Variants in SLC4A7 observed in about 807,000 individuals in gnomAD.
SLC4A7 encodes solute carrier family 4 member 7.
A neutral mutation model predicts 137.6 loss-of-function variants in SLC4A7; 51 were observed. The ratio of observed to expected loss-of-function variants is 0.37; its 90% CI spans 0.30 to 0.47. The LOEUF is 0.47. Ranked by LOEUF, SLC4A7 falls within the 20% of genes least tolerant of loss-of-function variation. The pLI is 1.00. For missense variants in SLC4A7, 1,247 were observed against 1,525.4 expected (o/e 0.82, Z 3.04); for synonymous variants, 542 against 518.6 (o/e 1.05, Z -0.61).
intron 1 of SLC4A7, among the ~76,000 whole-genome samples, chr3:27,482,244 A>T (rs916687472): frequency 6.6e-6 from 1 of 152,260 alleles, no homozygotes; most frequent in Admixed American, 6.5e-5. Context: ...AATAAGTGTT[A>T]TTACAATGAA....
At chr3:27,453,682 A>C (rs1326082080) in intron 1 of SLC4A7, among the ~76,000 whole-genome samples, 2 of 152,268 alleles carry the variant, frequency 1.3e-5, no homozygotes, top group Non-Finnish European at 2.9e-5. Flanking sequence ...CCAAATTCTC[A>C]GTAAGTAAAC....
intron 1 of SLC4A7, among the ~76,000 whole-genome samples, chr3:27,466,267 C>T (rs1161234617): frequency 6.6e-6 from 1 of 150,792 alleles, no homozygotes. Flanking sequence ...CTGGCTAACA[C>T]GGTGAAACCC....
intron 11 of SLC4A7, among the ~76,000 whole-genome samples, chr3:27,416,954 C>T (rs908543488): frequency 9.2e-5 from 14 of 152,128 alleles, no homozygotes; most frequent in African/African-American, 2.9e-4. Context: ...AAAACCATTA[C>T]GCATATTTCT....
chr3:27,466,366 G>A (rs1453335809), intron 1 of SLC4A7, among the ~76,000 whole-genome samples: 1 of 151,694 alleles, frequency 6.6e-6, no homozygotes, highest in Non-Finnish European at 1.5e-5. Flanking sequence ...CAGGAGAATG[G>A]TGTGAACCCC....
In SLC4A7 at chr3:27,411,730, C is replaced by A; in HGVS notation, c.1678G>T (p.Val560Leu). ...GTGGGGGTAGATCCATTGTGAAACA[C>A]AGGAATCTTTCTCTTTTCCTGAATT... ...VPSQEKRKIPVFHNGSTPTLG... is the reference protein window; with the variant it reads ...VPSQEKRKIPLFHNGSTPTLG... The change falls in exon 12 of 26, where the codon GTG becomes TTG. Residue 560 changes from valine (V) to leucine (L), a missense_variant. Physicochemically the swap from Val to Leu is conservative, Grantham distance 32. Around this residue, in one of 6 missense-constraint regions of SLC4A7, gnomAD observed 499 missense variants for 664.2 expected, o/e 0.75. Coordinates refer to ENST00000454389, the MANE Select transcript of SLC4A7 (RefSeq NM_001321103.2). The A allele has an allele frequency of 1.3e-6, 2 of 1,529,656 alleles. No homozygotes were observed. The allele number at this position is 1,529,656 out of a possible 1,614,324, so 94.8% of individuals were successfully genotyped here.
At chr3:27,456,634 C>A in intron 1 of SLC4A7, 2 of 1,492,880 alleles carry the variant, frequency 1.3e-6, no homozygotes, top group Non-Finnish European at 1.9e-6. Flanking sequence ...AAGACAAGAT[C>A]ATAATTAGGT....
chr3:27,406,190 A>G (rs183888311), intron 13 of SLC4A7, among the ~76,000 whole-genome samples: 59 of 152,358 alleles, frequency 3.9e-4, no homozygotes, highest in African/African-American at 1.4e-3. Context: ...AGCCATGGCC[A>G]TATCTTAACC....
At chr3:27,417,875 G>A (rs1254395851) in intron 11 of SLC4A7, among the ~76,000 whole-genome samples, 2 of 152,126 alleles carry the variant, frequency 1.3e-5, no homozygotes, top group Non-Finnish European at 2.9e-5. Flanking sequence ...CAGGGAAATA[G>A]GCCCTTTCAT....
chr3:27,422,690 A>G, intron 8 of SLC4A7: 1 of 427,546 alleles, frequency 2.3e-6, no homozygotes, highest in South Asian at 1.6e-5. Flanking sequence ...CATGATACCA[A>G]ATTATGTGAA....
chr3:27,387,358 T>C (rs903979750), intron 22 of SLC4A7, among the ~76,000 whole-genome samples: 1 of 152,198 alleles, frequency 6.6e-6, no homozygotes, highest in African/African-American at 2.4e-5. Flanking sequence ...ATACTACTCA[T>C]ATAATGCACA....
In SLC4A7 at chr3:27,403,188, T is replaced by C; in HGVS notation, c.2272A>G (p.Thr758Ala). The change falls in exon 15 of 26, where the codon ACA becomes GCA. Residue 758 changes from threonine (T) to alanine (A), a missense_variant. Thr to Ala is a moderately conservative substitution (Grantham distance 58). Around this residue, in one of 6 missense-constraint regions of SLC4A7, gnomAD observed 499 missense variants for 664.2 expected, o/e 0.75. Coordinates refer to ENST00000454389, the MANE Select transcript of SLC4A7 (RefSeq NM_001321103.2). Reference sequence around the variant, plus strand: ...TTGTTGTGCATATTAAATGCATATGTTTCTCCTAAATCAAAGAGCTTCTCC... The same window carrying C: ...TTGTTGTGCATATTAAATGCATATGCTTCTCCTAAATCAAAGAGCTTCTCC... The part of the protein sequence containing the change: ...ALEKLFDLGE[T>A]YAFNMHNNLD... The C allele has an allele frequency of 6.2e-7, 1 of 1,613,730 alleles. No homozygotes were observed. Among genetic ancestry groups the C allele is most frequent in the Non-Finnish European group, 8.5e-7 (1 of 1,179,852 alleles).
At chr3:27,467,475 G>C (rs2059057489) in intron 1 of SLC4A7, among the ~76,000 whole-genome samples, 1 of 152,144 alleles carries the variant, frequency 6.6e-6, no homozygotes, top group Non-Finnish European at 1.5e-5. Context: ...CAGCACAAAT[G>C]TCAACACAAT....
chr3:27,449,915 G>C (rs1449225869), intron 2 of SLC4A7, among the ~76,000 whole-genome samples: 4 of 152,174 alleles, frequency 2.6e-5, no homozygotes, highest in Non-Finnish European at 4.4e-5. Flanking sequence ...TATGTGACTT[G>C]AAAGTACAGT....
intron 1 of SLC4A7, among the ~76,000 whole-genome samples, chr3:27,459,178 G>C (rs912306293): frequency 6.6e-6 from 1 of 152,064 alleles, no homozygotes; most frequent in Non-Finnish European, 1.5e-5. Flanking sequence ...ACGAAGGGAA[G>C]GTTAAGCAAC....
intron 1 of SLC4A7, among the ~76,000 whole-genome samples, chr3:27,465,964 AAAG>A (rs1455970911): frequency 3.7e-4 from 52 of 140,350 alleles, no homozygotes; most frequent in Non-Finnish European, 4.8e-4. Flanking sequence ...AAAAAAAAAA[AAAG>A]AAAGAAAGAA....
At chr3:27,461,877 A>G (rs549766851) in intron 1 of SLC4A7, among the ~76,000 whole-genome samples, 1 of 151,918 alleles carries the variant, frequency 6.6e-6, no homozygotes, top group South Asian at 2.1e-4. Flanking sequence ...TGGGAGGATC[A>G]CTTGAACCTG....
In SLC4A7 at chr3:27,484,376, G is replaced by A. The variant is rs1576725651; in HGVS notation, c.-250C>T. 1.5e-5 allele frequency: 5 copies of A among 325,114 alleles called. No homozygotes were observed. In the East Asian group the frequency reaches 1.9e-4, roughly 12 times the overall value. 20.1% of individuals were successfully genotyped at this position (325,114 alleles called of 1,614,324 possible). A position where few individuals can be genotyped will look rare whatever the true frequency, so the allele number is the denominator to read the frequency against. On this transcript the variant is annotated 5_prime_UTR_variant, in exon 1 of 26. Transcript: ENST00000454389. ...GCGAGGCCGCGGCGTGGAACCTGAAGCTAGAACTGAGCGAACCGGCGGACC... is the reference window on the plus strand; with the variant it reads ...GCGAGGCCGCGGCGTGGAACCTGAAACTAGAACTGAGCGAACCGGCGGACC...
chr3:27,453,259 T>A (rs2058196005), intron 1 of SLC4A7, among the ~76,000 whole-genome samples: 2 of 152,212 alleles, frequency 1.3e-5, no homozygotes. Flanking sequence ...CTACTTATTA[T>A]TAACTTATTA....
intron 20 of SLC4A7, among the ~76,000 whole-genome samples, chr3:27,394,030 G>GT (rs1472579086): frequency 6.6e-6 from 1 of 151,552 alleles, no homozygotes; most frequent in Non-Finnish European, 1.5e-5. Flanking sequence ...AATTTTTTTT[G>GT]TTTTTTGAGA....
Sources: allele counts gnomAD v4.1 joint callset (sites outside exome capture counted in the v4.1 genomes callset), GRCh38; gene constraint gnomAD v4.1.1; regional missense constraint gnomAD v4.1.1; transcripts MANE v1.5; gene names NCBI Gene and HGNC (gene_info 2026-07-23, HGNC 2026-07-21).